The following FABP12 variants were observed in gnomAD, a reference collection of about 807,000 sequenced individuals.
The protein encoded by FABP12 is fatty acid binding protein 12.
FABP12 carries 19 observed loss-of-function variants against 13.7 expected under a neutral mutation model. The ratio of observed to expected loss-of-function variants is 1.39; its 90% CI spans 0.97 to 2.04. FABP12 has a LOEUF of 2.04. Ranked by LOEUF, FABP12 falls within the 30% of genes most tolerant of loss-of-function variation. FABP12 has a pLI of 0.00. For synonymous variants in FABP12, 61 were observed against 57.0 expected (o/e 1.07, Z -0.32); for missense variants, 182 against 164.2 (o/e 1.11, Z -0.59).
chr8:81,529,454 C>T, exon 3 of FABP12: 1 of 1,613,848 alleles, frequency 6.2e-7, no homozygotes, highest in Non-Finnish European at 8.5e-7. Flanking sequence ...TTTGTGGCCA[C>T]CTGGCGTGAT....
upstream of FABP12, among the ~76,000 whole-genome samples, chr8:81,538,641 G>T (rs1026583974): frequency 2.0e-5 from 3 of 152,098 alleles, no homozygotes; most frequent in African/African-American, 7.2e-5. Flanking sequence ...GCATGAAAAA[G>T]ATTCTCCCCC....
chr8:81,557,343 T>A (rs1809637394), intron 1 of FABP12, among the ~76,000 whole-genome samples: 1 of 152,246 alleles, frequency 6.6e-6, no homozygotes, highest in Non-Finnish European at 1.5e-5. Flanking sequence ...TCCAAATATT[T>A]TAAGACAGTT....
chr8:81,559,348 T>C (rs1809677229), intron 1 of FABP12, among the ~76,000 whole-genome samples: 1 of 152,172 alleles, frequency 6.6e-6, no homozygotes, highest in Non-Finnish European at 1.5e-5. Context: ...CTGAGGCAAA[T>C]AAAACAAGGC....
At chr8:81,550,205 A>G (rs1238998000) in intron 1 of FABP12, among the ~76,000 whole-genome samples, 2 of 152,218 alleles carry the variant, frequency 1.3e-5, no homozygotes, top group Non-Finnish European at 2.9e-5. Flanking sequence ...AGTGCCAGCT[A>G]CTGGGGATAC....
intron 1 of FABP12, among the ~76,000 whole-genome samples, chr8:81,541,554 CT>C (rs1229823418): frequency 6.6e-6 from 1 of 152,150 alleles, no homozygotes; most frequent in Non-Finnish European, 1.5e-5. Flanking sequence ...GGTAACACCC[CT>C]GATGAGGCTC....
At chr8:81,529,536 T>G in exon 3 of FABP12, 4 of 1,613,832 alleles carry the variant, frequency 2.5e-6, no homozygotes, top group Non-Finnish European at 3.4e-6. Context: ...TTTATTGTGA[T>G]GACATCTCCA....
intron 1 of FABP12, among the ~76,000 whole-genome samples, chr8:81,575,302 C>T (rs1485723595): frequency 6.6e-6 from 1 of 152,112 alleles, no homozygotes; most frequent in Non-Finnish European, 1.5e-5. Context: ...TTTTATTCCA[C>T]TGTGGTCTGA....
At chr8:81,582,729 GGAGA>G (rs539678326) in intron 1 of FABP12, among the ~76,000 whole-genome samples, 32 of 152,050 alleles carry the variant, frequency 2.1e-4, no homozygotes, top group Middle Eastern at 3.4e-3. Flanking sequence ...AGATTTAAAG[GGAGA>G]GAGAGACTGT....
At chr8:81,550,974 T>G (rs1205529541) in intron 1 of FABP12, among the ~76,000 whole-genome samples, 2 of 152,150 alleles carry the variant, frequency 1.3e-5, no homozygotes, top group Non-Finnish European at 2.9e-5. Flanking sequence ...AAGGTTAATT[T>G]CCCTTCAGAG....
At chr8:81,538,071 G>A (rs188898854), upstream of FABP12, among the ~76,000 whole-genome samples, 2 of 152,298 alleles carry the variant, frequency 1.3e-5, no homozygotes, top group African/African-American at 4.8e-5. Flanking sequence ...CAAATGGGGA[G>A]CTGGTGTATC....
chr8:81,543,518 A>G (rs1357844002), intron 1 of FABP12, among the ~76,000 whole-genome samples: 9 of 152,234 alleles, frequency 5.9e-5, no homozygotes, highest in Admixed American at 5.9e-4. Flanking sequence ...AATTGATGAG[A>G]AGTTATGTTT....
intron 4 of FABP12, 63 bp downstream of exon 4, chr8:81,526,957 A>G (rs1164127068): frequency 1.1e-6 from 1 of 918,984 alleles, no homozygotes; most frequent in East Asian, 2.6e-5. Context: ...GTTTGAGAAC[A>G]AGTTGTGATT....
At chr8:81,569,423 C>T (rs1425858211) in intron 1 of FABP12, among the ~76,000 whole-genome samples, 1 of 152,158 alleles carries the variant, frequency 6.6e-6, no homozygotes, top group Non-Finnish European at 1.5e-5. Context: ...AGCCTTTCAA[C>T]ACTGGCTCCA....
chr8:81,573,427 A>G (rs1439887709), intron 1 of FABP12, among the ~76,000 whole-genome samples: 2 of 152,080 alleles, frequency 1.3e-5, no homozygotes, highest in Admixed American at 1.3e-4. Context: ...GCTTTTGGCT[A>G]TGCAGGCTCT....
intron 1 of FABP12, among the ~76,000 whole-genome samples, chr8:81,550,674 G>A (rs1351941099): frequency 6.6e-6 from 1 of 152,134 alleles, no homozygotes; most frequent in African/African-American, 2.4e-5. Context: ...ATCAATGTAA[G>A]CTCTATTAAA....
chr8:81,562,683 C>G (rs1809744555), intron 1 of FABP12, among the ~76,000 whole-genome samples: 1 of 152,076 alleles, frequency 6.6e-6, no homozygotes, highest in African/African-American at 2.4e-5. Flanking sequence ...AGAAGAGACT[C>G]CCCTGCTTGT....
At chr8:81,571,194 C>T (rs1460717165) in intron 1 of FABP12, among the ~76,000 whole-genome samples, 2 of 152,244 alleles carry the variant, frequency 1.3e-5, no homozygotes, top group African/African-American at 4.8e-5. Context: ...GAGATCAAAG[C>T]TGGTGCTGGG....
intron 1 of FABP12, among the ~76,000 whole-genome samples, chr8:81,548,670 G>T (rs1809476172): frequency 1.3e-5 from 2 of 152,132 alleles, no homozygotes; most frequent in African/African-American, 4.8e-5. Context: ...TAGTTCTGAT[G>T]ATTACAACAC....
chr8:81,567,605 T>G (rs544948832), intron 1 of FABP12, among the ~76,000 whole-genome samples: 2 of 152,344 alleles, frequency 1.3e-5, no homozygotes, highest in African/African-American at 4.8e-5. Context: ...GATATCCATA[T>G]GCAGAAGAAT....
Sources: gnomAD v4.1 joint callset for allele counts (sites outside exome capture counted in the v4.1 genomes callset) on GRCh38, gnomAD v4.1.1 for gene constraint, MANE v1.5 for transcripts, NCBI Gene and HGNC (gene_info 2026-07-23, HGNC 2026-07-21) for gene names.